The following PALLD variants were observed in gnomAD, a reference collection of about 807,000 sequenced individuals.
PALLD encodes palladin, cytoskeletal associated protein, also known as palladin.
PALLD carries 61 observed loss-of-function variants against 123.5 expected under a neutral mutation model. The ratio of observed to expected loss-of-function variants is 0.49; its 90% confidence interval spans 0.40 to 0.61. The LOEUF (loss-of-function observed/expected upper bound fraction) is 0.61, where lower values mean the gene tolerates loss of function less well. PALLD is among the 20% of genes least tolerant of loss of function. The probability of loss-of-function intolerance (pLI) is 0.00; values close to 1 mark genes in which losing one functional copy is unlikely to be tolerated. For synonymous variants in PALLD, 465 were observed against 496.4 expected (o/e 0.94, Z 0.84); for missense variants, 1,273 against 1,377.0 (o/e 0.92, Z 1.20).
At chr4:168,558,389 G>C (rs149692722) in intron 2 of PALLD, among the ~76,000 whole-genome samples, 99 of 152,262 alleles carry the variant, frequency 6.5e-4, no homozygotes, top group Non-Finnish European at 1.2e-3. Flanking sequence ...CAGCCCTCTG[G>C]GTATCCCACA....
chr4:168,877,417 G>A (rs1274405555), intron 10 of PALLD, among the ~76,000 whole-genome samples: 1 of 152,176 alleles, frequency 6.6e-6, no homozygotes. Flanking sequence ...TTCTTGATCC[G>A]TTAAAAACAA....
At chr4:168,727,066 A>G (rs773571645) in intron 10 of PALLD, among the ~76,000 whole-genome samples, 12 of 152,282 alleles carry the variant, frequency 7.9e-5, no homozygotes, top group Middle Eastern at 3.4e-3. Flanking sequence ...TCATTCTTTT[A>G]TATGGCTGCA....
intron 10 of PALLD, among the ~76,000 whole-genome samples, chr4:168,801,113 T>C (rs1291020842): frequency 1.3e-5 from 2 of 151,902 alleles, no homozygotes; most frequent in African/African-American, 4.8e-5. Flanking sequence ...AGAAAGAAAA[T>C]CAAGGAAATG....
At chr4:168,533,123 T>C (rs549719265) in intron 2 of PALLD, among the ~76,000 whole-genome samples, 2 of 152,198 alleles carry the variant, frequency 1.3e-5, no homozygotes, top group Non-Finnish European at 2.9e-5. Flanking sequence ...TGGAAAAATA[T>C]ACATCAAACC....
intron 11 of PALLD, chr4:168,894,257 T>C: frequency 5.6e-6 from 2 of 357,628 alleles, no homozygotes; most frequent in South Asian, 5.5e-5. Context: ...TATTTTGCTG[T>C]TTAAATATCT....
intron 2 of PALLD, among the ~76,000 whole-genome samples, chr4:168,651,480 C>G (rs1778033663): frequency 6.6e-6 from 1 of 152,066 alleles, no homozygotes; most frequent in East Asian, 1.9e-4. Flanking sequence ...ACACTTACAC[C>G]CTAGAAGTGT....
chr4:168,606,289 T>C (rs1288889421), intron 2 of PALLD, among the ~76,000 whole-genome samples: 1 of 152,170 alleles, frequency 6.6e-6, no homozygotes, highest in African/African-American at 2.4e-5. Flanking sequence ...TGGTGGCTGC[T>C]GCTTTCAGAC....
chr4:168,514,816 T>C (rs1285527862), intron 2 of PALLD, among the ~76,000 whole-genome samples: 1 of 152,198 alleles, frequency 6.6e-6, no homozygotes, highest in Non-Finnish European at 1.5e-5. Context: ...CATTTAGCAT[T>C]GAAGGATTAA....
chr4:168,643,911 T>C (rs1244208428), intron 2 of PALLD, among the ~76,000 whole-genome samples: 1 of 152,024 alleles, frequency 6.6e-6, no homozygotes, highest in Non-Finnish European at 1.5e-5. Flanking sequence ...TTTGCAAAAA[T>C]TCATTCATGG....
At chr4:168,686,744 G>T (rs1431411759) in intron 6 of PALLD, 1 of 152,160 alleles carries the variant, frequency 6.6e-6, no homozygotes, top group Admixed American at 6.5e-5. Context: ...TTGTTTGTTT[G>T]ATATGGAATT....
rs1783951008 is a variant in PALLD at position 168,703,854 on chromosome 4, T to G, written c.1502-5174T>G. Among the ~76,000 whole-genome samples, 2 of 147,120 alleles carry G rather than the reference T, an allele frequency of 1.4e-5. 1 individual carries two copies. Among genetic ancestry groups the G allele is most frequent in the African/African-American group, 5.2e-5 (2 of 38,566 alleles). ...GTTGCGAACATTTTCTCCCATTCTG[T>G]AGGTTGCCTGTTCACTCTGATGGTA... On this transcript the variant is annotated intron_variant, in intron 8 of 21. Transcript: ENST00000505667.
chr4:168,714,586 T>G (rs1234239721), intron 10 of PALLD, among the ~76,000 whole-genome samples: 1 of 152,226 alleles, frequency 6.6e-6, no homozygotes, highest in Non-Finnish European at 1.5e-5. Context: ...TATGAGATTT[T>G]ATTTGCCTCG....
intron 10 of PALLD, among the ~76,000 whole-genome samples, chr4:168,855,338 C>T (rs1006989794): frequency 2.0e-5 from 3 of 152,182 alleles, no homozygotes; most frequent in Non-Finnish European, 4.4e-5. Flanking sequence ...ATCCACCCGC[C>T]TCGGCCTCCC....
intron 10 of PALLD, among the ~76,000 whole-genome samples, chr4:168,867,815 A>C (rs1010049115): frequency 3.9e-5 from 6 of 152,026 alleles, no homozygotes; most frequent in Non-Finnish European, 8.8e-5. Context: ...CTCCATCTAC[A>C]TATCATAAAA....
chr4:168,868,938 C>T (rs1284757326), intron 10 of PALLD, among the ~76,000 whole-genome samples: 1 of 152,160 alleles, frequency 6.6e-6, no homozygotes, highest in Non-Finnish European at 1.5e-5. Context: ...TCAAGGTAAA[C>T]ATAAACTTAT....
intron 2 of PALLD, among the ~76,000 whole-genome samples, chr4:168,599,075 C>G (rs541735857): frequency 6.6e-6 from 1 of 152,272 alleles, no homozygotes; most frequent in Admixed American, 6.5e-5. Flanking sequence ...CTCAACTTCT[C>G]CAAGCCTGAT....
At chr4:168,886,846 T>C (rs1581914280) in intron 10 of PALLD, among the ~76,000 whole-genome samples, 2 of 151,964 alleles carry the variant, frequency 1.3e-5, no homozygotes, top group Non-Finnish European at 2.9e-5. Flanking sequence ...AGGCCAGGTA[T>C]GGTGGCTCAT....
chr4:168,837,492 C>T (rs1277461206), intron 10 of PALLD, among the ~76,000 whole-genome samples: 2 of 152,232 alleles, frequency 1.3e-5, no homozygotes, highest in South Asian at 2.1e-4. Context: ...CTATCGGTAG[C>T]TGAATACACT....
chr4:168,655,028 T>TA (rs1778421545), intron 2 of PALLD, among the ~76,000 whole-genome samples: 1 of 152,096 alleles, frequency 6.6e-6, no homozygotes. Context: ...TTCACTTTTT[T>TA]AAAAAATGAA....
Sources: allele counts gnomAD v4.1 joint callset (sites outside exome capture counted in the v4.1 genomes callset), GRCh38; gene constraint gnomAD v4.1.1; transcripts MANE v1.5; gene names NCBI Gene and HGNC (gene_info 2026-07-23, HGNC 2026-07-21).